The following EPHA6 variants were observed in gnomAD, a reference collection of about 807,000 sequenced individuals.
The protein encoded by EPHA6 is ephrin type-A receptor 6.
Under a neutral mutation model 112.0 loss-of-function variants are expected in EPHA6, and 50 were observed. That is an observed-to-expected ratio of 0.45 (90% CI 0.36 to 0.56). The LOEUF (loss-of-function observed/expected upper bound fraction) is 0.56. EPHA6 is among the 20% of genes least tolerant of loss of function. EPHA6 has a pLI of 0.00. For synonymous variants in EPHA6, 529 were observed against 490.7 expected (o/e 1.08, Z -1.03); for missense variants, 1,280 against 1,417.4 (o/e 0.90, Z 1.56).
chr3:97,422,011 TG>T (rs935243414), intron 6 of EPHA6, among the ~76,000 whole-genome samples: 2 of 152,048 alleles, frequency 1.3e-5, no homozygotes, highest in Admixed American at 1.3e-4. Context: ...TTAAAATTTT[TG>T]GAAGGAAAAT....
At chr3:97,115,357 A>G (rs1472459381) in intron 3 of EPHA6, among the ~76,000 whole-genome samples, 1 of 150,916 alleles carries the variant, frequency 6.6e-6, no homozygotes, top group Non-Finnish European at 1.5e-5. Flanking sequence ...TATAATTATT[A>G]CCAGGTGAAA....
intron 13 of EPHA6, among the ~76,000 whole-genome samples, chr3:97,634,210 C>T (rs1316545282): frequency 1.3e-5 from 2 of 152,064 alleles, no homozygotes; most frequent in African/African-American, 2.4e-5. Flanking sequence ...ACTACGTTTA[C>T]ATCACATCAA....
At chr3:97,675,206 G>A (rs1001547434) in intron 14 of EPHA6, among the ~76,000 whole-genome samples, 36 of 152,156 alleles carry the variant, frequency 2.4e-4, no homozygotes, top group African/African-American at 8.0e-4. Context: ...AGTGTCAGGT[G>A]CGGTAGCTCA....
In EPHA6 at chr3:96,974,043, A is replaced by G. The variant is rs186117472; in HGVS notation, c.451-13287A>G. On this transcript the variant is annotated intron_variant, in intron 2 of 17. Transcript: ENST00000389672. ...ATATAAAATATGTTATTAATACAAT[A>G]AATATATATAATAAAATTATATATT... Among the ~76,000 whole-genome samples the G allele has an allele frequency of 5.1e-3, 746 of 145,730 alleles. 5 individuals carry two copies. The highest frequency in any genetic ancestry group is 0.017 in the African/African-American group (678 of 40,456).
chr3:97,227,737 A>G (rs1274407984), intron 4 of EPHA6, among the ~76,000 whole-genome samples: 2 of 145,414 alleles, frequency 1.4e-5, no homozygotes, highest in African/African-American at 5.6e-5. Flanking sequence ...TTCATGCCTC[A>G]GCATGGGACC....
At chr3:97,458,067 CAAAAAAAAAAAAAAAA>C (rs68128372) in intron 7 of EPHA6, among the ~76,000 whole-genome samples, 2 of 50,576 alleles carry the variant, frequency 4.0e-5, no homozygotes, top group Non-Finnish European at 6.5e-5. Context: ...GACTCCGTCT[CAAAAAAAAAAAAAAAA>C]AAAAAAAAAA....
rs1308553556 is a variant in EPHA6, at chr3:97,752,106, A to G, written c.*3405A>G. 1 of 224,184 alleles carries G rather than the reference A, an allele frequency of 4.5e-6. No homozygotes were observed. Among genetic ancestry groups the G allele is most frequent in the African/African-American group, 2.2e-5 (1 of 44,906 alleles). 13.9% of individuals were successfully genotyped at this position (224,184 alleles called of 1,614,324 possible). The stretch of plus-strand genomic sequence containing the variant: ...ACTGGTGATAAATGTTCTACATTCC[A>G]TATCAAAATAAGACATCTTATTTCA... On this transcript the variant is annotated 3_prime_UTR_variant, in exon 18 of 18. Coordinates refer to ENST00000389672, the MANE Select transcript of EPHA6 (RefSeq NM_001080448.3).
At chr3:97,272,332 G>A (rs960493393) in intron 5 of EPHA6, among the ~76,000 whole-genome samples, 25 of 137,512 alleles carry the variant, frequency 1.8e-4, no homozygotes, top group Non-Finnish European at 3.8e-4. Context: ...GTGTGTGTGT[G>A]TACATACATA....
intron 5 of EPHA6, among the ~76,000 whole-genome samples, chr3:97,293,379 A>G (rs955977962): frequency 2.7e-5 from 4 of 146,582 alleles, no homozygotes; most frequent in South Asian, 2.2e-4. Flanking sequence ...CTAGCATCCA[A>G]CTCTCAGCAA....
chr3:97,696,449 G>A (rs6803753), intron 14 of EPHA6, among the ~76,000 whole-genome samples: 1 of 152,090 alleles, frequency 6.6e-6, no homozygotes, highest in Non-Finnish European at 1.5e-5. Flanking sequence ...GTACCTTTTA[G>A]TGCTTATGAC....
intron 14 of EPHA6, among the ~76,000 whole-genome samples, chr3:97,698,281 G>C (rs1451885820): frequency 6.6e-6 from 1 of 152,102 alleles, no homozygotes; most frequent in African/African-American, 2.4e-5. Context: ...TTACAGTTGT[G>C]AGCCGTCGTG....
intron 11 of EPHA6, among the ~76,000 whole-genome samples, chr3:97,560,179 G>A (rs1320745716): frequency 6.6e-6 from 1 of 151,690 alleles, no homozygotes; most frequent in African/African-American, 2.4e-5. Context: ...AGAATCCATG[G>A]AATAGAAAGT....
intron 16 of EPHA6, among the ~76,000 whole-genome samples, chr3:97,741,958 T>G (rs1162460343): frequency 6.6e-6 from 1 of 151,806 alleles, no homozygotes; most frequent in Non-Finnish European, 1.5e-5. Flanking sequence ...AGTCCATATA[T>G]CCCCCAAACA....
chr3:97,348,419 G>C (rs1043227416), intron 5 of EPHA6, among the ~76,000 whole-genome samples: 1 of 151,790 alleles, frequency 6.6e-6, no homozygotes, highest in African/African-American at 2.4e-5. Flanking sequence ...GATCTATATA[G>C]ATTTAATCTT....
In EPHA6 at chr3:97,409,972, T is replaced by G. The variant is rs577887450; in HGVS notation, c.1731+4698T>G. ...AGAAAAACTATCTTTGCTTTTTAAT[T>G]AAAAATAAATAATGTTGTGACACTG... On this transcript the variant is annotated intron_variant, in intron 6 of 17. Coordinates refer to ENST00000389672, the MANE Select transcript of EPHA6 (RefSeq NM_001080448.3). Among the ~76,000 whole-genome samples the G allele has an allele frequency of 5.9e-5, 9 of 152,142 alleles. No individual in the cohort carries two copies. The South Asian group carries it at 1.9e-3, about 32-fold the overall frequency.
chr3:97,421,216 C>T (rs543887778), intron 6 of EPHA6, among the ~76,000 whole-genome samples: 1 of 152,012 alleles, frequency 6.6e-6, no homozygotes, highest in African/African-American at 2.4e-5. Context: ...AAAATAAAAG[C>T]ATATATGTTG....
intron 2 of EPHA6, among the ~76,000 whole-genome samples, chr3:96,981,265 G>A (rs1340974472): frequency 1.3e-5 from 2 of 152,160 alleles, no homozygotes; most frequent in Non-Finnish European, 2.9e-5. Context: ...ATGAAGGGCT[G>A]TTGAATTTTG....
At chr3:97,381,686 G>A (rs1329472661) in intron 5 of EPHA6, among the ~76,000 whole-genome samples, 1 of 152,088 alleles carries the variant, frequency 6.6e-6, no homozygotes, top group African/African-American at 2.4e-5. Context: ...AGGTTTAGAG[G>A]TTTTGCTAAT....
chr3:97,733,122 G>C (rs1042385539), intron 15 of EPHA6, among the ~76,000 whole-genome samples: 4 of 152,008 alleles, frequency 2.6e-5, no homozygotes, highest in Non-Finnish European at 5.9e-5. Flanking sequence ...TTTGTCAAGA[G>C]GCATAAGCAA....
Sources: gnomAD v4.1 joint callset for allele counts (sites outside exome capture counted in the v4.1 genomes callset) on GRCh38, gnomAD v4.1.1 for gene constraint, MANE v1.5 for transcripts, NCBI Gene and HGNC (gene_info 2026-07-23, HGNC 2026-07-21) for gene names.